The following PIK3C3 variants were observed in gnomAD, a reference collection of about 807,000 sequenced individuals.
The protein encoded by PIK3C3 is PI3-kinase type 3.
A neutral mutation model predicts 126.1 loss-of-function variants in PIK3C3; 95 were observed. The ratio of observed to expected loss-of-function variants is 0.75; its 90% CI spans 0.64 to 0.89. The LOEUF is 0.89. Ranked by LOEUF, PIK3C3 falls within the 40% of genes least tolerant of loss-of-function variation. The pLI is 0.00. For synonymous variants in PIK3C3, 374 were observed against 360.0 expected (o/e 1.04, Z -0.44); for missense variants, 829 against 1,063.2 (o/e 0.78, Z 3.06).
chr18:42,076,151 T>TGCAC (rs1986005697), intron 24 of PIK3C3, among the ~76,000 whole-genome samples: 1 of 103,782 alleles, frequency 9.6e-6, no homozygotes, highest in African/African-American at 5.6e-5. Flanking sequence ...TATGCGCATA[T>TGCAC]ATATATATAT....
intron 18 of PIK3C3, among the ~76,000 whole-genome samples, chr18:42,040,209 C>G (rs1306315712): frequency 2.1e-5 from 3 of 140,724 alleles, no homozygotes; most frequent in East Asian, 4.0e-4. Context: ...CTGTTATTAC[C>G]AGGAAATGAC....
chr18:41,968,941 C>T (rs1170747228), intron 3 of PIK3C3, among the ~76,000 whole-genome samples: 1 of 151,750 alleles, frequency 6.6e-6, no homozygotes, highest in Non-Finnish European at 1.5e-5. Context: ...CCTCAGCCCC[C>T]TAAAAACTAC....
chr18:42,043,249 C>T (rs1984406736), intron 19 of PIK3C3, among the ~76,000 whole-genome samples: 1 of 152,028 alleles, frequency 6.6e-6, no homozygotes. Context: ...CAGGTGCCTG[C>T]CACCACGCTA....
Position 41,993,282 on chromosome 18 carries a change from T to C in PIK3C3, c.727T>C (p.Ser243Pro). ...CTCTGTAATCTAGGACGGTGATGAA[T>C]CATCTCCAATTTTAACAAGTTTTGA... Reference protein sequence around the residue: ...IVYYEKDGDESSPILTSFELV... With the variant: ...IVYYEKDGDEPSPILTSFELV... The change falls in exon 7 of 25, where the codon TCA (serine) becomes CCA (proline). Residue 243 changes from serine (S) to proline (P), a missense_variant. Around this residue, in one of 4 missense-constraint regions of PIK3C3, gnomAD observed 313 missense variants for 340.7 expected, o/e 0.92. Transcript: ENST00000262039. 6.2e-7 allele frequency: 1 copy of C among 1,607,226 alleles called. No homozygotes were observed. Among genetic ancestry groups the C allele is most frequent in the Non-Finnish European group, 8.5e-7 (1 of 1,174,688 alleles).
At chr18:42,067,781 G>C (rs1985605114) in intron 24 of PIK3C3, among the ~76,000 whole-genome samples, 1 of 152,174 alleles carries the variant, frequency 6.6e-6, no homozygotes. Context: ...ACGTCCTCTT[G>C]AGAATGATTT....
In PIK3C3 at chr18:42,081,727, AT is replaced by A. The variant is rs1192912281; in HGVS notation, c.*594del. ...TTGCTTATATTTTTAGAAGATACTC[AT>A]TTTCTCTTACAAATAATTAATTTTT... On this transcript the variant is annotated 3_prime_UTR_variant, in exon 25 of 25. Coordinates refer to ENST00000262039, the MANE Select transcript of PIK3C3 (RefSeq NM_002647.4). 6.6e-6 allele frequency: 1 copy of A among 152,202 alleles called. No individual in the cohort carries two copies. The highest frequency in any genetic ancestry group is 2.4e-5 in the African/African-American group (1 of 41,452). 9.4% of individuals were successfully genotyped at this position (152,202 alleles called of 1,614,324 possible).
At chr18:41,985,752 C>G (rs1325777359) in intron 4 of PIK3C3, among the ~76,000 whole-genome samples, 1 of 152,052 alleles carries the variant, frequency 6.6e-6, no homozygotes, top group Non-Finnish European at 1.5e-5. Context: ...TCTTTAGTAG[C>G]TCTTATACAA....
intron 16 of PIK3C3, among the ~76,000 whole-genome samples, chr18:42,036,959 A>G (rs1420405914): frequency 6.6e-6 from 1 of 152,238 alleles, no homozygotes; most frequent in East Asian, 1.9e-4. Flanking sequence ...ACTTTGTTTC[A>G]TGCACAAAAT....
chr18:42,078,129 G>A (rs947607918), intron 24 of PIK3C3, among the ~76,000 whole-genome samples: 1 of 152,004 alleles, frequency 6.6e-6, no homozygotes, highest in Non-Finnish European at 1.5e-5. Context: ...TGTAATCCCA[G>A]CACTTTGGGA....
Position 42,087,332 on chromosome 18 carries a change from A to T in PIK3C3, c.*6195A>T, listed in dbSNP as rs985373452. ...GTCCGGTTTGAGGAGGTGGTTTCTG[A>T]TTGGTTGCATCATGTATGACGTTTG... On this transcript the variant is annotated 3_prime_UTR_variant, in exon 25 of 25. Transcript: ENST00000262039. 3.9e-5 allele frequency: 6 copies of T among 152,124 alleles called. No individual in the cohort carries two copies. The highest frequency in any genetic ancestry group is 1.2e-4 in the African/African-American group (5 of 41,392). The allele number at this position is 152,124 out of a possible 1,614,324, so 9.4% of individuals were successfully genotyped here. A position where few individuals can be genotyped will look rare whatever the true frequency, so the allele number is the denominator to read the frequency against.
chr18:42,044,739 A>AT (rs577171559), intron 20 of PIK3C3, among the ~76,000 whole-genome samples: 6 of 151,892 alleles, frequency 4.0e-5, no homozygotes, highest in South Asian at 2.1e-4. Flanking sequence ...TTTTATTTTG[A>AT]TTTTTTTTAT....
intron 24 of PIK3C3, among the ~76,000 whole-genome samples, chr18:42,070,995 A>G (rs1052890682): frequency 7.9e-5 from 12 of 152,338 alleles, no homozygotes; most frequent in Admixed American, 5.9e-4. Context: ...CCTGTTTTCT[A>G]GTTCTTCATT....
intron 19 of PIK3C3, among the ~76,000 whole-genome samples, chr18:42,041,587 G>T (rs1380423121): frequency 1.8e-4 from 18 of 97,462 alleles, no homozygotes; most frequent in African/African-American, 3.3e-4. Flanking sequence ...GCTTCCCTTT[G>T]TAAAAAAAAA....
intron 10 of PIK3C3, among the ~76,000 whole-genome samples, chr18:42,005,245 C>G (rs1047355321): frequency 2.0e-5 from 3 of 152,158 alleles, no homozygotes; most frequent in African/African-American, 4.8e-5. Flanking sequence ...CTGTGTACTC[C>G]TAGGTTACAA....
At chr18:42,008,230 A>G (rs1486466167) in intron 10 of PIK3C3, among the ~76,000 whole-genome samples, 2 of 152,156 alleles carry the variant, frequency 1.3e-5, no homozygotes, top group African/African-American at 4.8e-5. Flanking sequence ...TTTTTAAATC[A>G]TATTTCCTAC....
At chr18:42,043,942 A>T (rs1482066738) in intron 20 of PIK3C3, 125 bp downstream of exon 20, 4 of 591,570 alleles carry the variant, frequency 6.8e-6, no homozygotes, top group Non-Finnish European at 1.2e-5. Flanking sequence ...AGAGTAAAAG[A>T]TAAATGTTGA....
intron 24 of PIK3C3, among the ~76,000 whole-genome samples, chr18:42,074,643 T>G (rs1789627190): frequency 6.6e-6 from 1 of 152,154 alleles, no homozygotes; most frequent in Non-Finnish European, 1.5e-5. Context: ...TACTCGTATG[T>G]TAAATATAAG....
chr18:42,069,717 C>T (rs958915121), intron 24 of PIK3C3, among the ~76,000 whole-genome samples: 2 of 152,128 alleles, frequency 1.3e-5, no homozygotes, highest in Non-Finnish European at 2.9e-5. Context: ...AAATATCTCT[C>T]CATCATGGGT....
intron 10 of PIK3C3, among the ~76,000 whole-genome samples, chr18:42,008,453 G>A (rs1287560272): frequency 6.6e-6 from 1 of 152,112 alleles, no homozygotes; most frequent in East Asian, 1.9e-4. Context: ...GCCATTGAGA[G>A]GCAAAATCGG....
Sources: gnomAD v4.1 joint callset for allele counts (sites outside exome capture counted in the v4.1 genomes callset) on GRCh38, gnomAD v4.1.1 for gene constraint, gnomAD v4.1.1 regional missense constraint, MANE v1.5 for transcripts, NCBI Gene and HGNC (gene_info 2026-07-23, HGNC 2026-07-21) for gene names.